The following FIG4 variants were observed in gnomAD, a reference collection of about 807,000 sequenced individuals.
FIG4 encodes the protein FIG4 phosphoinositide 5-phosphatase, also known as polyphosphoinositide phosphatase.
FIG4 carries 112 observed loss-of-function variants against 118.6 expected under a neutral mutation model. That is an observed-to-expected ratio of 0.94 (90% CI 0.81 to 1.11). The LOEUF (loss-of-function observed/expected upper bound fraction) is 1.11, where lower values mean the gene tolerates loss of function less well. Ranked by LOEUF, FIG4 falls within the 50% of genes least tolerant of loss-of-function variation. The probability of loss-of-function intolerance (pLI) is 0.00; values close to 1 mark genes in which losing one functional copy is unlikely to be tolerated. For missense variants in FIG4, 969 were observed against 1,111.7 expected, an observed-to-expected ratio of 0.87 and a Z score of 1.83; for synonymous variants, 369 against 381.2, an observed-to-expected ratio of 0.97 and a Z score of 0.37.
chr6:109,759,427 G>GA (rs1189810086), intron 10 of FIG4, among the ~76,000 whole-genome samples: 23 of 151,626 alleles, frequency 1.5e-4, no homozygotes, highest in South Asian at 1.0e-3. Context: ...GAAAAAAAAA[G>GA]AAAAAAAACT....
At chr6:109,763,341 G>A (rs897999365) in intron 12 of FIG4, among the ~76,000 whole-genome samples, 2 of 152,202 alleles carry the variant, frequency 1.3e-5, no homozygotes, top group Non-Finnish European at 2.9e-5. Context: ...GGCCTGTTAG[G>A]TTAACTCTTT....
At chr6:109,745,567 A>G (rs1179270196) in intron 10 of FIG4, among the ~76,000 whole-genome samples, 2 of 152,104 alleles carry the variant, frequency 1.3e-5, no homozygotes, top group African/African-American at 2.4e-5. Flanking sequence ...GAGATGCAAC[A>G]ATTTTCTCCC....
At chr6:109,824,231 AAAGG>A (rs1244990887) in intron 22 of FIG4, among the ~76,000 whole-genome samples, 20 of 152,220 alleles carry the variant, frequency 1.3e-4, no homozygotes, top group Non-Finnish European at 2.8e-4. Flanking sequence ...ATTACCCGAG[AAAGG>A]AAGGAAGTGG....
chr6:109,775,788 C>T (rs901601913), intron 15 of FIG4, among the ~76,000 whole-genome samples: 1 of 152,294 alleles, frequency 6.6e-6, no homozygotes, highest in East Asian at 1.9e-4. Flanking sequence ...TAATGGGATG[C>T]TTCCTGTCTA....
At chr6:109,715,259 G>T (rs188030765) in intron 2 of FIG4, 83 bp downstream of exon 2, 3 of 708,786 alleles carry the variant, frequency 4.2e-6, no homozygotes, top group Non-Finnish European at 5.0e-6. Context: ...AGTTTTTAGT[G>T]ATATATTATT....
At chr6:109,713,051 T>C (rs916968251) in intron 1 of FIG4, among the ~76,000 whole-genome samples, 3 of 152,182 alleles carry the variant, frequency 2.0e-5, no homozygotes, top group African/African-American at 7.2e-5. Flanking sequence ...TCTGGAATAC[T>C]CGTATTGGGC....
intron 14 of FIG4, 22 bp downstream of exon 14, chr6:109,765,183 T>G (rs1309050897): frequency 6.2e-7 from 1 of 1,611,708 alleles, no homozygotes; most frequent in South Asian, 1.1e-5. Flanking sequence ...TTTTTGCTAT[T>G]TGAATGCTGA....
intron 12 of FIG4, among the ~76,000 whole-genome samples, chr6:109,763,509 A>C (rs779181297): frequency 1.3e-5 from 2 of 152,256 alleles, no homozygotes; most frequent in Non-Finnish European, 2.9e-5. Flanking sequence ...CAAAGCCTCT[A>C]TGAATAAAAG....
chr6:109,732,621 G>GTT lies in FIG4; in HGVS notation c.447-4_447-3dup, dbSNP rs11377100. The GTT allele has an allele frequency of 0.098, 92,892 of 947,638 alleles. 22 individuals are homozygous for GTT. Among genetic ancestry groups the GTT allele is most frequent in the Non-Finnish European group, 0.1 (63,491 of 631,092 alleles). 58.7% of individuals were successfully genotyped at this position (947,638 alleles called of 1,614,324 possible). A position where few individuals can be genotyped will look rare whatever the true frequency, so the allele number is the denominator to read the frequency against. ...GTATTGGACAAATGAAATGTACTTT[G>GTT]TTTTTTTTTTTTTAGGTATCTACGA... On this transcript the variant is annotated splice_polypyrimidine_tract_variant and intron_variant, in intron 4 of 22. Coordinates refer to ENST00000230124, the MANE Select transcript of FIG4 (RefSeq NM_014845.6).
At chr6:109,819,087 C>T (rs1292291390) in intron 22 of FIG4, among the ~76,000 whole-genome samples, 1 of 152,174 alleles carries the variant, frequency 6.6e-6, no homozygotes, top group East Asian at 1.9e-4. Context: ...TCCAGGATCT[C>T]TGGGTATGTG....
At chr6:109,739,222 G>A (rs2128386282) in intron 7 of FIG4, among the ~76,000 whole-genome samples, 2 of 144,540 alleles carry the variant, frequency 1.4e-5, no homozygotes, top group African/African-American at 5.5e-5. Flanking sequence ...TTTGGGTTAA[G>A]CTGATGAGTT....
chr6:109,791,278 A>G (rs1778127358), intron 19 of FIG4, 98 bp from the exon 20 acceptor site: 1 of 1,008,444 alleles, frequency 9.9e-7, no homozygotes, highest in Non-Finnish European at 1.5e-6. Context: ...TCATTTTCTT[A>G]TGCTTCACTA....
At chr6:109,778,852 G>A (rs887843429) in intron 16 of FIG4, among the ~76,000 whole-genome samples, 16 of 152,134 alleles carry the variant, frequency 1.1e-4, no homozygotes, top group African/African-American at 3.4e-4. Flanking sequence ...GCCCGCCTTG[G>A]CCTCCCAAAG....
intron 22 of FIG4, among the ~76,000 whole-genome samples, chr6:109,804,315 G>T (rs955915829): frequency 1.3e-5 from 2 of 152,028 alleles, no homozygotes; most frequent in South Asian, 4.1e-4. Flanking sequence ...GAGGATTTGG[G>T]GCAGATGGAG....
In FIG4 at chr6:109,786,392, C is replaced by T; in HGVS notation, c.2039C>T (p.Pro680Leu). The change falls in exon 18 of 23, where the codon CCA becomes CTA. Residue 680 changes from proline to leucine, a missense_variant. This residue lies in a region of FIG4 where 330 missense variants were observed against 348.1 expected (regional missense o/e 0.95). Coordinates refer to ENST00000230124, the MANE Select transcript of FIG4 (RefSeq NM_014845.6). ...EIDIHNEFFR[P>L]YELSSFDDTF... ...GATATCCACAATGAGTTCTTTCGGC[C>T]ATATGAGTTGAGCAGCTTTGATGAT... is the stretch of plus-strand genomic sequence containing the variant. The T allele has an allele frequency of 1.2e-6, 2 of 1,613,966 alleles. No individual in the cohort carries two copies. Among genetic ancestry groups the T allele is most frequent in the South Asian group, 2.2e-5 (2 of 91,078 alleles).
chr6:109,783,910 G>C (rs183722719), intron 16 of FIG4, among the ~76,000 whole-genome samples: 93 of 152,248 alleles, frequency 6.1e-4, no homozygotes, highest in Non-Finnish European at 1.2e-3. Context: ...ACAGTGATTT[G>C]CCCCACACAA....
chr6:109,727,363 G>T (rs1253044269), intron 4 of FIG4, 98 bp downstream of exon 4: 5 of 996,434 alleles, frequency 5.0e-6, no homozygotes, highest in African/African-American at 1.6e-5. Context: ...GTCATAGCTT[G>T]CTGTAGCCTT....
intron 16 of FIG4, among the ~76,000 whole-genome samples, chr6:109,778,483 A>AT (rs398110542): frequency 2.7e-5 from 4 of 150,618 alleles, no homozygotes; most frequent in Non-Finnish European, 5.9e-5. Context: ...AAAAAAAAAA[A>AT]GGATACCTAC....
At chr6:109,779,711 T>C (rs976070212) in intron 16 of FIG4, among the ~76,000 whole-genome samples, 2 of 152,192 alleles carry the variant, frequency 1.3e-5, no homozygotes, top group African/African-American at 4.8e-5. Flanking sequence ...AAAAAAACTT[T>C]CTAGTGTCAC....
Sources: allele counts gnomAD v4.1 joint callset (sites outside exome capture counted in the v4.1 genomes callset), GRCh38; gene constraint gnomAD v4.1.1; regional missense constraint gnomAD v4.1.1; transcripts MANE v1.5; gene names NCBI Gene and HGNC (gene_info 2026-07-23, HGNC 2026-07-21).